The following FHIT variants were observed in gnomAD, a reference collection of about 807,000 sequenced individuals.
FHIT encodes the protein bis(5'-adenosyl)-triphosphatase.
FHIT carries 19 observed loss-of-function variants against 17.9 expected under a neutral mutation model. That is an observed-to-expected ratio of 1.06 (90% confidence interval 0.74 to 1.56). FHIT has a LOEUF of 1.56. Among genes scored for constraint, FHIT ranks in the 40% most tolerant of loss-of-function variants. The probability of loss-of-function intolerance (pLI) is 0.00; values close to 1 mark genes in which losing one functional copy is unlikely to be tolerated. For missense variants in FHIT, 248 were observed against 189.2 expected (o/e 1.31, Z -1.82); for synonymous variants, 81 against 69.7 (o/e 1.16, Z -0.81).
At chr3:60,072,588 C>T (rs1167981691) in intron 5 of FHIT, among the ~76,000 whole-genome samples, 1 of 152,148 alleles carries the variant, frequency 6.6e-6, no homozygotes, top group Non-Finnish European at 1.5e-5. Flanking sequence ...AGGTAGCCAC[C>T]GTTATTGTTC....
At chr3:60,602,966 C>G (rs1553669382) in intron 4 of FHIT, among the ~76,000 whole-genome samples, 1 of 152,140 alleles carries the variant, frequency 6.6e-6, no homozygotes, top group African/African-American at 2.4e-5. Context: ...GTCTCTATAA[C>G]TGCAAGAAAT....
At chr3:60,112,923 C>T (rs1422105095) in intron 5 of FHIT, among the ~76,000 whole-genome samples, 1 of 152,202 alleles carries the variant, frequency 6.6e-6, no homozygotes, top group Non-Finnish European at 1.5e-5. Context: ...TTTGCTGACT[C>T]ACAGTCGAAT....
chr3:60,320,683 A>T (rs1440233001), intron 5 of FHIT, among the ~76,000 whole-genome samples: 1 of 152,152 alleles, frequency 6.6e-6, no homozygotes, highest in African/African-American at 2.4e-5. Context: ...ACCCAAAAAC[A>T]TCCAATCAAA....
intron 4 of FHIT, among the ~76,000 whole-genome samples, chr3:60,794,888 T>G (rs371801210): frequency 6.6e-6 from 1 of 152,218 alleles, no homozygotes; most frequent in Non-Finnish European, 1.5e-5. Flanking sequence ...TCTTTGACTA[T>G]GTAATACATG....
intron 3 of FHIT, among the ~76,000 whole-genome samples, chr3:60,869,351 G>A (rs1282000612): frequency 6.6e-6 from 1 of 152,072 alleles, no homozygotes; most frequent in Non-Finnish European, 1.5e-5. Context: ...AGTGTCTCAA[G>A]GACTCAGAGG....
intron 5 of FHIT, among the ~76,000 whole-genome samples, chr3:60,185,810 T>G (rs545176904): frequency 6.9e-4 from 105 of 152,320 alleles, no homozygotes; most frequent in Non-Finnish European, 1.3e-3. Context: ...ATTTGGTATT[T>G]GCTCTACATC....
At chr3:60,378,597 AAGT>A (rs1252036023) in intron 5 of FHIT, among the ~76,000 whole-genome samples, 1 of 152,236 alleles carries the variant, frequency 6.6e-6, no homozygotes, top group Non-Finnish European at 1.5e-5. Flanking sequence ...TAAGGAAAGG[AAGT>A]ATCTTTCAAA....
At chr3:60,129,233 A>T (rs1576164672) in intron 5 of FHIT, among the ~76,000 whole-genome samples, 1 of 151,754 alleles carries the variant, frequency 6.6e-6, no homozygotes, top group South Asian at 2.1e-4. Context: ...TTGTCTTTTT[A>T]GTAGAGGTGG....
chr3:60,872,823 G>A (rs34686536), intron 3 of FHIT, among the ~76,000 whole-genome samples: 32,685 of 151,844 alleles, frequency 0.22, 3,768 homozygotes, highest in Middle Eastern at 0.28. Context: ...CTCCTTTCAG[G>A]AAACCCTGAA....
At chr3:60,965,324 C>T (rs976647306) in intron 3 of FHIT, among the ~76,000 whole-genome samples, 1 of 152,152 alleles carries the variant, frequency 6.6e-6, no homozygotes, top group Non-Finnish European at 1.5e-5. Flanking sequence ...TTCTAGTTAG[C>T]GATTCGTCTA....
At chr3:60,879,437 C>G (rs1553757380) in intron 3 of FHIT, among the ~76,000 whole-genome samples, 1 of 152,174 alleles carries the variant, frequency 6.6e-6, no homozygotes, top group African/African-American at 2.4e-5. Context: ...GCAAAAGCCA[C>G]TCTAGAAAGT....
intron 3 of FHIT, among the ~76,000 whole-genome samples, chr3:60,842,624 TGAGTGTATATATATATATATA>T (rs1702767395): frequency 7.1e-5 from 7 of 98,684 alleles, no homozygotes; most frequent in African/African-American, 3.1e-4. Context: ...CATATATATA[TGAGTGTATATATATATATATA>T]TTTTTTTTTT....
intron 5 of FHIT, among the ~76,000 whole-genome samples, chr3:60,407,067 ATTTTTTTTTTTTT>A (rs34542104): frequency 3.2e-5 from 2 of 62,878 alleles, no homozygotes; most frequent in East Asian, 1.0e-3. Context: ...CCTGCCAATA[ATTTTTTTTTTTTT>A]TTTTTTTTTT....
At chr3:60,581,186 A>G (rs1366157753) in intron 4 of FHIT, among the ~76,000 whole-genome samples, 2 of 152,164 alleles carry the variant, frequency 1.3e-5, no homozygotes, top group African/African-American at 4.8e-5. Context: ...ATATGCCAAG[A>G]ATACTGACAA....
intron 4 of FHIT, among the ~76,000 whole-genome samples, chr3:60,746,518 C>G (rs2042359829): frequency 6.6e-6 from 1 of 152,270 alleles, no homozygotes; most frequent in Non-Finnish European, 1.5e-5. Context: ...CATTATTAAC[C>G]TACAGTCACC....
intron 7 of FHIT, among the ~76,000 whole-genome samples, chr3:59,940,919 A>AT (rs887867723): frequency 3.3e-5 from 5 of 152,134 alleles, no homozygotes; most frequent in African/African-American, 1.2e-4. Context: ...CAATTTCTAT[A>AT]TTACATATAA....
intron 7 of FHIT, among the ~76,000 whole-genome samples, chr3:59,924,572 G>C (rs181094299): frequency 7.9e-5 from 12 of 152,280 alleles, no homozygotes; most frequent in African/African-American, 2.6e-4. Context: ...CATGTAGTTA[G>C]TACTCATTAC....
At chr3:60,096,781 C>T (rs373175167) in intron 5 of FHIT, among the ~76,000 whole-genome samples, 15 of 152,054 alleles carry the variant, frequency 9.9e-5, no homozygotes, top group Admixed American at 2.6e-4. Flanking sequence ...CAGAGAGTGT[C>T]ATGGAATGTT....
intron 4 of FHIT, among the ~76,000 whole-genome samples, chr3:60,681,812 A>C (rs1402710951): frequency 6.6e-6 from 1 of 152,170 alleles, no homozygotes; most frequent in African/African-American, 2.4e-5. Flanking sequence ...GCTGCAGAAG[A>C]AAAGTTTGAA....
Sources: gnomAD v4.1 joint callset for allele counts (sites outside exome capture counted in the v4.1 genomes callset) on GRCh38, gnomAD v4.1.1 for gene constraint, MANE v1.5 for transcripts, NCBI Gene and HGNC (gene_info 2026-07-23, HGNC 2026-07-21) for gene names.